The following KCNIP4 variants were observed in gnomAD, a reference collection of about 807,000 sequenced individuals.
The protein encoded by KCNIP4 is potassium voltage-gated channel interacting protein 4.
A neutral mutation model predicts 34.0 loss-of-function variants in KCNIP4; 12 were observed. The observed-to-expected ratio is 0.35, with a 90% CI of 0.23 to 0.57. The LOEUF (loss-of-function observed/expected upper bound fraction) is 0.57. Among genes scored for constraint, KCNIP4 ranks in the 20% least tolerant of loss-of-function variants. The probability of loss-of-function intolerance (pLI) is 0.83; values close to 1 mark genes in which losing one functional copy is unlikely to be tolerated. For missense variants in KCNIP4, 238 were observed against 311.7 expected (o/e 0.76, Z 1.78); for synonymous variants, 124 against 102.2 (o/e 1.21, Z -1.29).
intron 1 of KCNIP4, among the ~76,000 whole-genome samples, chr4:21,353,797 A>C (rs556482871): frequency 1.3e-5 from 2 of 152,282 alleles, no homozygotes; most frequent in African/African-American, 4.8e-5. Context: ...AATACAGAGA[A>C]CACCACAAAG....
intron 1 of KCNIP4, among the ~76,000 whole-genome samples, chr4:21,432,541 A>G (rs1726585422): frequency 6.6e-6 from 1 of 152,176 alleles, no homozygotes; most frequent in East Asian, 1.9e-4. Context: ...AGGAGATACA[A>G]TCTTGTTGAA....
At chr4:21,810,950 C>A (rs1326314146) in intron 1 of KCNIP4, among the ~76,000 whole-genome samples, 1 of 152,146 alleles carries the variant, frequency 6.6e-6, no homozygotes, top group African/African-American at 2.4e-5. Context: ...GTTTTGTTAT[C>A]TTTTAATACC....
At chr4:21,389,197 T>C (rs1030711812) in intron 1 of KCNIP4, among the ~76,000 whole-genome samples, 4 of 152,034 alleles carry the variant, frequency 2.6e-5, no homozygotes, top group Non-Finnish European at 5.9e-5. Context: ...CCCAGGCAGT[T>C]CTGAAAGTCC....
At chr4:21,022,054 T>C (rs1740120605) in intron 1 of KCNIP4, among the ~76,000 whole-genome samples, 1 of 152,128 alleles carries the variant, frequency 6.6e-6, no homozygotes, top group Non-Finnish European at 1.5e-5. Context: ...GTTATGATGT[T>C]ATGGCGGCTA....
At chr4:21,002,510 C>T (rs552054377) in intron 1 of KCNIP4, among the ~76,000 whole-genome samples, 12 of 152,300 alleles carry the variant, frequency 7.9e-5, no homozygotes, top group African/African-American at 2.9e-4. Context: ...CTTTCTTTGC[C>T]ACTTCCCAGG....
chr4:21,149,983 T>C (rs10019791), intron 1 of KCNIP4, among the ~76,000 whole-genome samples: 12,937 of 152,134 alleles, frequency 0.085, 856 homozygotes, highest in African/African-American at 0.18. Context: ...AAGAGAGAAA[T>C]GCATTTGTAG....
chr4:21,607,946 C>T (rs368318249), intron 1 of KCNIP4, among the ~76,000 whole-genome samples: 12 of 152,256 alleles, frequency 7.9e-5, no homozygotes, highest in South Asian at 2.1e-4. Flanking sequence ...GGAGCTGAGA[C>T]GCTGCAGGTG....
intron 1 of KCNIP4, among the ~76,000 whole-genome samples, chr4:21,013,662 G>GA (rs961037018): frequency 2.0e-5 from 3 of 152,270 alleles, no homozygotes; most frequent in African/African-American, 7.2e-5. Flanking sequence ...CTTCTTTGAG[G>GA]AGGATTTGTG....
rs918011410 is a variant in KCNIP4, at chr4:21,694,923, A to C, written c.61+253648T>G. ...AGATAACACGATTGACCAAAAAAAA[A>C]AAAAAAATAAAAATAAATAAATAAA... is the stretch of plus-strand genomic sequence containing the variant. On this transcript the variant is annotated intron_variant, in intron 1 of 8. Transcript: ENST00000382152. Among the ~76,000 whole-genome samples the C allele has an allele frequency of 4.3e-5, 4 of 93,470 alleles. 1 individual carries two copies. The highest frequency in any genetic ancestry group is 7.9e-5 in the African/African-American group (2 of 25,184). 61.3% of individuals were successfully genotyped at this position (93,470 alleles called of 152,430 possible). A position where few individuals can be genotyped will look rare whatever the true frequency, so the allele number is the denominator to read the frequency against.
intron 1 of KCNIP4, among the ~76,000 whole-genome samples, chr4:21,947,316 T>C (rs1276355912): frequency 1.3e-5 from 2 of 152,192 alleles, no homozygotes; most frequent in South Asian, 2.1e-4. Flanking sequence ...TCGTAATGAG[T>C]GGGCATCTCC....
intron 1 of KCNIP4, among the ~76,000 whole-genome samples, chr4:21,496,763 T>C (rs188348166): frequency 3.7e-4 from 56 of 152,212 alleles, no homozygotes; most frequent in African/African-American, 1.3e-3. Context: ...CTGGGTGGCA[T>C]TAGATTCTCA....
chr4:21,499,452 G>C (rs1733128871), intron 1 of KCNIP4, among the ~76,000 whole-genome samples: 1 of 151,854 alleles, frequency 6.6e-6, no homozygotes, highest in African/African-American at 2.4e-5. Context: ...AAACTTAATG[G>C]AATTCTGTGG....
intron 1 of KCNIP4, among the ~76,000 whole-genome samples, chr4:21,058,583 T>C (rs2108965524): frequency 1.3e-5 from 2 of 152,264 alleles, no homozygotes; most frequent in Admixed American, 1.3e-4. Context: ...TATTAAATGA[T>C]ATAATGCAGA....
intron 1 of KCNIP4, among the ~76,000 whole-genome samples, chr4:21,734,259 A>C (rs1715822996): frequency 6.6e-6 from 1 of 152,184 alleles, no homozygotes; most frequent in Non-Finnish European, 1.5e-5. Context: ...CTTCGGTGGA[A>C]CAGTCTGTTG....
chr4:20,832,051 T>G (rs964463359), intron 3 of KCNIP4, among the ~76,000 whole-genome samples: 1 of 152,106 alleles, frequency 6.6e-6, no homozygotes, highest in Non-Finnish European at 1.5e-5. Flanking sequence ...TTTCAAATAG[T>G]TTGTTACTTT....
intron 1 of KCNIP4, among the ~76,000 whole-genome samples, chr4:21,773,759 G>GT (rs1560704204): frequency 1.7e-5 from 1 of 58,356 alleles, no homozygotes; most frequent in African/African-American, 7.8e-5. Flanking sequence ...TTTTTTTTTT[G>GT]TTTGTTTGTT....
At chr4:21,169,683 T>C (rs1394101936) in intron 1 of KCNIP4, among the ~76,000 whole-genome samples, 2 of 151,486 alleles carry the variant, frequency 1.3e-5, no homozygotes, top group South Asian at 2.1e-4. Flanking sequence ...TGTGTGTGTG[T>C]GTGTGTGTGT....
intron 1 of KCNIP4, among the ~76,000 whole-genome samples, chr4:21,716,448 C>T (rs187933997): frequency 3.8e-4 from 57 of 151,842 alleles, no homozygotes; most frequent in Admixed American, 1.1e-3. Flanking sequence ...GTGTTGGCCA[C>T]GCTGGTCTCA....
At chr4:21,612,950 T>C (rs1014774960) in intron 1 of KCNIP4, among the ~76,000 whole-genome samples, 6 of 152,130 alleles carry the variant, frequency 3.9e-5, no homozygotes, top group Admixed American at 1.3e-4. Context: ...TTAGTTTTAA[T>C]AGATGTCAGG....
Sources: allele counts gnomAD v4.1 joint callset (sites outside exome capture counted in the v4.1 genomes callset), GRCh38; gene constraint gnomAD v4.1.1; transcripts MANE v1.5; gene names NCBI Gene and HGNC (gene_info 2026-07-23, HGNC 2026-07-21).